Variants in DDAH1 observed in about 807,000 individuals in gnomAD.
DDAH1 encodes dimethylarginine dimethylaminohydrolase 1.
Under a neutral mutation model 28.8 loss-of-function variants are expected in DDAH1, and 19 were observed. That is an observed-to-expected ratio of 0.66 (90% CI 0.46 to 0.97). DDAH1 has a LOEUF of 0.97. Ranked by LOEUF, DDAH1 falls within the 50% of genes least tolerant of loss-of-function variation. DDAH1 has a pLI of 0.00. For synonymous variants in DDAH1, 153 were observed against 154.4 expected (o/e 0.99, Z 0.07); for missense variants, 326 against 375.9 (o/e 0.87, Z 1.10).
At chr1:85,336,017 A>T (rs1570390825) in intron 4 of DDAH1, among the ~76,000 whole-genome samples, 1 of 141,874 alleles carries the variant, frequency 7.0e-6, no homozygotes, top group African/African-American at 2.7e-5. Flanking sequence ...TAAAATAAAA[A>T]ACAAATGTCA....
intron 1 of DDAH1, among the ~76,000 whole-genome samples, chr1:85,374,801 T>C (rs1036364995): frequency 4.6e-5 from 7 of 152,218 alleles, no homozygotes; most frequent in Admixed American, 2.6e-4. Context: ...AAAAATAAAT[T>C]CATACTATTT....
At chr1:85,459,984 C>G (rs1288943203) in intron 1 of DDAH1, among the ~76,000 whole-genome samples, 1 of 152,076 alleles carries the variant, frequency 6.6e-6, no homozygotes, top group Non-Finnish European at 1.5e-5. Context: ...GCACTTCATG[C>G]AAAAAATGAC....
rs185372546 is a variant in DDAH1, at chr1:85,528,787, A to G, written c.-122-32506T>C. Among the ~76,000 whole-genome samples, 618 of 152,326 alleles carry G rather than the reference A, an allele frequency of 4.1e-3. 10 individuals are homozygous for G. Among genetic ancestry groups the G allele is most frequent in the Non-Finnish European group, 2.5e-3 (169 of 68,036 alleles). On this transcript the variant is annotated intron_variant, in intron 1 of 6. Transcript: ENST00000426972. ...TCAGGAGTTTGAGACTAGCCTGACCAATACGGTGAAACCCCGTCTCTACTA... is the reference window on the plus strand; with the variant it reads ...TCAGGAGTTTGAGACTAGCCTGACCGATACGGTGAAACCCCGTCTCTACTA...
In DDAH1 at chr1:85,407,844, C is replaced by G. The variant is rs1009839043; in HGVS notation, c.304-48997G>C. Among the ~76,000 whole-genome samples, 3 of 152,124 alleles carry G rather than the reference C, an allele frequency of 2.0e-5. No individual in the cohort carries two copies. In the East Asian group the frequency reaches 5.8e-4, roughly 29 times the overall value. ...TAAAGATTATATATACCAGGACATCCTAGCTTATATTTATATAAAATTCAA... is the reference window on the plus strand; with the variant it reads ...TAAAGATTATATATACCAGGACATCGTAGCTTATATTTATATAAAATTCAA... On this transcript the variant is annotated intron_variant, in intron 1 of 5. Transcript: ENST00000284031.
At chr1:85,369,062 T>C (rs888118445) in intron 1 of DDAH1, among the ~76,000 whole-genome samples, 1 of 142,258 alleles carries the variant, frequency 7.0e-6, no homozygotes, top group African/African-American at 2.6e-5. Context: ...ATTCTTTTTT[T>C]TTTTTTTTTT....
intron 1 of DDAH1, among the ~76,000 whole-genome samples, chr1:85,498,412 C>T (rs1656675019): frequency 6.6e-6 from 1 of 152,072 alleles, no homozygotes; most frequent in Admixed American, 6.5e-5. Flanking sequence ...TATCGTGGAG[C>T]TGTTAACTTA....
chr1:85,536,590 C>CAAA (rs543825001), intron 1 of DDAH1, among the ~76,000 whole-genome samples: 1 of 151,430 alleles, frequency 6.6e-6, no homozygotes, highest in East Asian at 1.9e-4. Context: ...AACAAATGAA[C>CAAA]AAAAAAACAC....
chr1:85,389,830 A>C lies in DDAH1; in HGVS notation c.304-30983T>G, dbSNP rs188769853. 1.4e-4 allele frequency among the ~76,000 whole-genome samples: 21 copies of C among 152,304 alleles called. No individual in the cohort carries two copies. The East Asian group carries it at 3.7e-3, about 27-fold the overall frequency. ...AGACAATGGAAGCAAAAAGTGTTAG[A>C]GAGGGAATTTTAGAGCCCACCATGC... On this transcript the variant is annotated intron_variant, in intron 1 of 5. Coordinates refer to ENST00000284031, the MANE Select transcript of DDAH1 (RefSeq NM_012137.4).
chr1:85,470,076 T>C (rs1364832281), upstream of DDAH1, among the ~76,000 whole-genome samples: 1 of 152,244 alleles, frequency 6.6e-6, no homozygotes, highest in Non-Finnish European at 1.5e-5. Flanking sequence ...ACTCTTTTCT[T>C]ACTCCATTTT....
chr1:85,332,801 A>G (rs12121675), intron 4 of DDAH1, among the ~76,000 whole-genome samples: 43,824 of 151,858 alleles, frequency 0.29, 7,202 homozygotes, highest in South Asian at 0.4. Flanking sequence ...CATCTGGGCA[A>G]TACTCCTGGA....
At chr1:85,414,338 T>C (rs1378376724) in intron 1 of DDAH1, among the ~76,000 whole-genome samples, 2 of 152,152 alleles carry the variant, frequency 1.3e-5, no homozygotes, top group Non-Finnish European at 1.5e-5. Flanking sequence ...TCACACAATA[T>C]ATAAGAATAC....
intron 1 of DDAH1, among the ~76,000 whole-genome samples, chr1:85,512,442 G>A (rs1249006154): frequency 6.6e-6 from 1 of 152,200 alleles, no homozygotes; most frequent in Non-Finnish European, 1.5e-5. Flanking sequence ...ACTGGCACAA[G>A]ACAGGGATGC....
At chr1:85,475,697 C>T (rs547241671) in intron 2 of DDAH1, among the ~76,000 whole-genome samples, 31 of 152,302 alleles carry the variant, frequency 2.0e-4, no homozygotes, top group African/African-American at 7.2e-4. Flanking sequence ...AGAGGGCTTC[C>T]ATATATCGGG....
At chr1:85,500,191 TC>T in intron 1 of DDAH1, among the ~76,000 whole-genome samples, 1 of 150,412 alleles carries the variant, frequency 6.6e-6, no homozygotes. Flanking sequence ...CTTCATCTTT[TC>T]TTCCTTCCTT....
chr1:85,540,249 CT>C (rs1658432744), intron 1 of DDAH1, among the ~76,000 whole-genome samples: 1 of 152,034 alleles, frequency 6.6e-6, no homozygotes, highest in African/African-American at 2.4e-5. Context: ...GGGGTTACAC[CT>C]TTTAGTCTTA....
chr1:85,474,380 A>G (rs181433939), intron 2 of DDAH1, among the ~76,000 whole-genome samples: 14 of 152,104 alleles, frequency 9.2e-5, no homozygotes, highest in Non-Finnish European at 1.5e-4. Flanking sequence ...GGCCCACCCA[A>G]CACCCCACCC....
At chr1:85,565,526 A>C (rs1353724148) in intron 1 of DDAH1, among the ~76,000 whole-genome samples, 6 of 152,200 alleles carry the variant, frequency 3.9e-5, no homozygotes, top group African/African-American at 7.2e-5. Context: ...TGACTCTATG[A>C]ACTATTTTTG....
At chr1:85,448,780 G>GA (rs1654546294) in intron 1 of DDAH1, among the ~76,000 whole-genome samples, 2 of 152,236 alleles carry the variant, frequency 1.3e-5, no homozygotes, top group South Asian at 4.1e-4. Flanking sequence ...TGACAATTGA[G>GA]AAAATCACAT....
chr1:85,330,802 C>T (rs946949281), intron 4 of DDAH1, among the ~76,000 whole-genome samples: 3 of 152,170 alleles, frequency 2.0e-5, no homozygotes, highest in Non-Finnish European at 4.4e-5. Flanking sequence ...TTTTATGGTA[C>T]GCCCCCTTCG....
Sources: allele counts gnomAD v4.1 joint callset (sites outside exome capture counted in the v4.1 genomes callset), GRCh38; gene constraint gnomAD v4.1.1; transcripts MANE v1.5; gene names NCBI Gene and HGNC (gene_info 2026-07-23, HGNC 2026-07-21).